MTFR1: variants seen among roughly 807,000 people sequenced by gnomAD.
MTFR1 encodes mitochondrial fission regulator 1.
MTFR1 carries 28 observed loss-of-function variants against 38.8 expected under a neutral mutation model. The observed-to-expected ratio is 0.72, with a 90% confidence interval of 0.53 to 0.99. The LOEUF (loss-of-function observed/expected upper bound fraction) is 0.99. Among genes scored for constraint, MTFR1 ranks in the 50% least tolerant of loss-of-function variants. The pLI is 0.00. For synonymous variants in MTFR1, 145 were observed against 137.0 expected (o/e 1.06, Z -0.41); for missense variants, 358 against 395.5 (o/e 0.91, Z 0.81).
downstream of MTFR1, among the ~76,000 whole-genome samples, chr8:65,713,439 A>AAC (rs144454204): frequency 0.044 from 6,046 of 137,458 alleles, 155 homozygotes; most frequent in South Asian, 0.085. Flanking sequence ...TCCCATCTCA[A>AAC]ACACACACAC....
intron 3 of MTFR1, chr8:65,727,350 C>CG: frequency 1.9e-6 from 3 of 1,605,814 alleles, no homozygotes; most frequent in African/African-American, 1.3e-5. Context: ...CTAAAATAAG[C>CG]TCTACGCCAT....
intron 3 of MTFR1, among the ~76,000 whole-genome samples, chr8:65,759,118 G>A (rs751672510): frequency 7.2e-5 from 11 of 152,278 alleles, no homozygotes; most frequent in Middle Eastern, 3.4e-3. Context: ...TGCATTTTAC[G>A]TCTTTTCCAA....
At chr8:65,687,473 G>A (rs1381862214) in intron 3 of MTFR1, among the ~76,000 whole-genome samples, 1 of 151,366 alleles carries the variant, frequency 6.6e-6, no homozygotes, top group Non-Finnish European at 1.5e-5. Context: ...AGCCTTCCAA[G>A]TAGCTGGGGC....
chr8:65,756,873 T>C (rs1181776842), intron 3 of MTFR1, among the ~76,000 whole-genome samples: 1 of 152,160 alleles, frequency 6.6e-6, no homozygotes, highest in Non-Finnish European at 1.5e-5. Flanking sequence ...GGAAACTGAA[T>C]TATTTTACTC....
chr8:65,749,909 C>T (rs996910958), intron 3 of MTFR1, among the ~76,000 whole-genome samples: 1 of 151,968 alleles, frequency 6.6e-6, no homozygotes, highest in African/African-American at 2.4e-5. Context: ...AAGATATGGA[C>T]AGAAAAAGAA....
intron 1 of MTFR1, among the ~76,000 whole-genome samples, chr8:65,660,943 T>C (rs1240425211): frequency 1.3e-5 from 2 of 152,198 alleles, no homozygotes; most frequent in African/African-American, 4.8e-5. Flanking sequence ...CTTAAATGCA[T>C]ATTACTAGGC....
intron 2 of MTFR1, chr8:65,679,542 G>C (rs760152908): frequency 6.6e-6 from 1 of 152,198 alleles, no homozygotes; most frequent in Non-Finnish European, 1.5e-5. Context: ...AGAATCACTT[G>C]AACCTGGAGG....
chr8:65,713,090 A>G (rs1481264165), downstream of MTFR1, among the ~76,000 whole-genome samples: 2 of 152,184 alleles, frequency 1.3e-5, no homozygotes, highest in Non-Finnish European at 2.9e-5. Flanking sequence ...GCTTCAGTAA[A>G]CCAATTACAT....
chr8:65,644,850 C>G (rs1563427725), intron 1 of MTFR1, 66 bp downstream of exon 1: 1 of 152,504 alleles, frequency 6.6e-6, no homozygotes, highest in Non-Finnish European at 1.5e-5. Context: ...GCAGGCCTGA[C>G]GGCGATGGGA....
downstream of MTFR1, among the ~76,000 whole-genome samples, chr8:65,773,515 A>G (rs983436929): frequency 2.0e-5 from 3 of 152,232 alleles, no homozygotes; most frequent in African/African-American, 4.8e-5. Flanking sequence ...GGATCAGGAT[A>G]TAAGTATAGA....
intron 2 of MTFR1, among the ~76,000 whole-genome samples, chr8:65,677,123 G>C (rs1804732394): frequency 7.0e-6 from 1 of 142,544 alleles, no homozygotes; most frequent in Non-Finnish European, 1.5e-5. Flanking sequence ...ACCCAGGATG[G>C]AGTGCAGTGG....
intron 4 of MTFR1, among the ~76,000 whole-genome samples, chr8:65,702,536 G>GT (rs780065927): frequency 3.1e-4 from 47 of 152,116 alleles, no homozygotes; most frequent in Non-Finnish European, 5.7e-4. Flanking sequence ...CTGACCTCAA[G>GT]TGATCCGCCT....
chr8:65,711,140 A>G (rs1805933369), downstream of MTFR1, among the ~76,000 whole-genome samples: 1 of 152,210 alleles, frequency 6.6e-6, no homozygotes, highest in South Asian at 2.1e-4. Context: ...AGTTTCCAAT[A>G]AAATGATTTC....
At chr8:65,704,972 A>G in intron 5 of MTFR1, 43 bp downstream of exon 5, 1 of 1,451,766 alleles carries the variant, frequency 6.9e-7, no homozygotes, top group South Asian at 1.2e-5. Context: ...TGCAAACTAG[A>G]AGTTAGGAGA....
chr8:65,745,343 G>A (rs1395423000), intron 3 of MTFR1: 30 of 916,594 alleles, frequency 3.3e-5, no homozygotes, highest in Admixed American at 7.0e-5. Context: ...ACGCACCAGC[G>A]GCTGCACCAT....
At position 65,704,909 on chromosome 8, in the gene MTFR1, A is replaced by T. The variant is rs371050522; in HGVS notation, c.497A>T (p.Glu166Val). ...AQIAKIVTQQ[E>V]QQNLTAGDLD... ...ATTGCCAAAATTGTGACCCAGCAGG[A>T]GCAGCAAAATCTCACTGCAGGTCTG... Residue 166 changes from glutamate to valine, a missense_variant, in exon 5 of 8, where the codon GAG becomes GTG. Physicochemically the swap from Glu to Val is moderately radical, Grantham distance 121. Transcript: ENST00000262146. 2.5e-6 allele frequency: 4 copies of T among 1,596,722 alleles called. No homozygotes were observed. In the Admixed American group the frequency reaches 6.9e-5, roughly 28 times the overall value.
At chr8:65,761,494 G>A (rs996001917) in intron 3 of MTFR1, among the ~76,000 whole-genome samples, 4 of 152,116 alleles carry the variant, frequency 2.6e-5, no homozygotes, top group African/African-American at 9.7e-5. Context: ...TTTATTTTAA[G>A]TCCCAGGCTT....
At chr8:65,733,651 G>A (rs1806998769) in intron 3 of MTFR1, among the ~76,000 whole-genome samples, 1 of 152,214 alleles carries the variant, frequency 6.6e-6, no homozygotes, top group South Asian at 2.1e-4. Context: ...GTGGTTGGGA[G>A]TATACATTTG....
At chr8:65,739,485 G>T (rs764201252) in intron 3 of MTFR1, 19 of 1,535,976 alleles carry the variant, frequency 1.2e-5, no homozygotes, top group Admixed American at 4.7e-5. Flanking sequence ...TACTGTTAAT[G>T]GGTTAGAATC....
Sources: allele counts gnomAD v4.1 joint callset (sites outside exome capture counted in the v4.1 genomes callset), GRCh38; gene constraint gnomAD v4.1.1; transcripts MANE v1.5; gene names NCBI Gene and HGNC (gene_info 2026-07-23, HGNC 2026-07-21).